The following TRPM3 variants were observed in gnomAD, a reference collection of about 807,000 sequenced individuals.
The protein encoded by TRPM3 is transient receptor potential cation channel subfamily M member 3, also known as long transient receptor potential channel 3.
A neutral mutation model predicts 181.2 loss-of-function variants in TRPM3; 77 were observed. That is an observed-to-expected ratio of 0.42 (90% CI 0.35 to 0.51). The LOEUF (loss-of-function observed/expected upper bound fraction) is 0.51. Among genes scored for constraint, TRPM3 ranks in the 20% least tolerant of loss-of-function variants. The probability of loss-of-function intolerance (pLI) is 0.01; values close to 1 mark genes in which losing one functional copy is unlikely to be tolerated. For missense variants in TRPM3, 1,759 were observed against 2,196.7 expected, an observed-to-expected ratio of 0.80 and a Z score of 3.98; for synonymous variants, 745 against 796.4, an observed-to-expected ratio of 0.94 and a Z score of 1.09.
At chr9:70,692,728 T>C (rs569916323) in intron 8 of TRPM3, among the ~76,000 whole-genome samples, 45 of 152,342 alleles carry the variant, frequency 3.0e-4, no homozygotes, top group Middle Eastern at 6.8e-3. Context: ...AAAAAACATA[T>C]TGACTTTGTC....
Position 71,313,743 on chromosome 9 carries a change from T to C in TRPM3, c.183+132910A>G, listed in dbSNP as rs1315665780. Among the ~76,000 whole-genome samples the C allele has an allele frequency of 2.0e-5, 3 of 152,186 alleles. No individual in the cohort carries two copies. The East Asian group carries it at 5.8e-4, about 29-fold the overall frequency. ...AATTGCAACAATGAGAAATCCCATC[T>C]GACCTGAAGGATATTTTATTTCCTC... is the stretch of plus-strand genomic sequence containing the variant. On this transcript the variant is annotated intron_variant, in intron 1 of 24. Coordinates refer to the TRPM3 transcript ENST00000357533.
At chr9:71,068,743 A>G (rs1412216647) in intron 1 of TRPM3, among the ~76,000 whole-genome samples, 1 of 152,220 alleles carries the variant, frequency 6.6e-6, no homozygotes, top group Non-Finnish European at 1.5e-5. Flanking sequence ...TGTGGAGCCT[A>G]GGAATCTGCA....
rs1178351721 is a variant in TRPM3, at chr9:70,529,422, T to C, written c.*6531A>G. 6.6e-6 allele frequency: 1 copy of C among 152,164 alleles called. No individual in the cohort carries two copies. Among genetic ancestry groups the C allele is most frequent in the Non-Finnish European group, 1.5e-5 (1 of 68,024 alleles). The allele number at this position is 152,164 out of a possible 1,614,324, so 9.4% of individuals were successfully genotyped here. A position where few individuals can be genotyped will look rare whatever the true frequency, so the allele number is the denominator to read the frequency against. On this transcript the variant is annotated 3_prime_UTR_variant, in exon 26 of 26. Coordinates refer to ENST00000677713, the MANE Select transcript of TRPM3 (RefSeq NM_001366145.2). ...AAACTAGGGTTAGAACGTTTACAAA[T>C]GAGAGTCTAGGTCCTATATTATGAA...
chr9:70,924,301 T>TCACACTGG (rs1202464558), intron 1 of TRPM3, among the ~76,000 whole-genome samples: 1 of 152,186 alleles, frequency 6.6e-6, no homozygotes, highest in Admixed American at 6.6e-5. Context: ...AAAATTATAG[T>TCACACTGG]CACACTGGTC....
intron 1 of TRPM3, among the ~76,000 whole-genome samples, chr9:70,917,738 A>G (rs960765060): frequency 2.0e-5 from 3 of 151,988 alleles, no homozygotes; most frequent in Non-Finnish European, 2.9e-5. Context: ...AAGTCAGAGA[A>G]GACTACAAAA....
chr9:70,933,684 G>C (rs928588224), intron 1 of TRPM3, among the ~76,000 whole-genome samples: 1 of 152,038 alleles, frequency 6.6e-6, no homozygotes, highest in African/African-American at 2.4e-5. Context: ...GCTGAAGGGG[G>C]ATATAAGACC....
At chr9:70,821,754 T>A (rs17463426) in intron 6 of TRPM3, among the ~76,000 whole-genome samples, 4,380 of 152,284 alleles carry the variant, frequency 0.029, 88 homozygotes, top group Middle Eastern at 0.058. Flanking sequence ...ACACTGATGG[T>A]ACTTTAGGGA....
chr9:70,801,139 G>A (rs2088881693), intron 6 of TRPM3, among the ~76,000 whole-genome samples: 1 of 152,180 alleles, frequency 6.6e-6, no homozygotes, highest in South Asian at 2.1e-4. Flanking sequence ...ATAAACTAGA[G>A]TTATTTGATC....
chr9:70,695,267 G>A (rs1180355203), intron 8 of TRPM3, among the ~76,000 whole-genome samples: 2 of 152,204 alleles, frequency 1.3e-5, no homozygotes, highest in Non-Finnish European at 2.9e-5. Flanking sequence ...ACCTCTCTGA[G>A]CTTTGGGGTT....
At chr9:70,943,716 T>C (rs12351255) in intron 1 of TRPM3, among the ~76,000 whole-genome samples, 12,480 of 152,274 alleles carry the variant, frequency 0.082, 556 homozygotes, top group African/African-American at 0.11. Context: ...TCAAACTCTC[T>C]GATGCTGAAT....
chr9:71,420,977 G>GAGAGAGAAAAAGAGAGAGAAAA (rs2093755454), intron 1 of TRPM3, among the ~76,000 whole-genome samples: 4 of 123,930 alleles, frequency 3.2e-5, no homozygotes, highest in East Asian at 2.4e-4. Flanking sequence ...GAGAGAAAAA[G>GAGAGAGAAAAAGAGAGAGAAAA]AGAGAGAAAA....
upstream of TRPM3, chr9:71,121,678 A>C (rs926549386): frequency 8.2e-6 from 9 of 1,093,284 alleles, no homozygotes; most frequent in South Asian, 7.6e-5. Flanking sequence ...TTGGGGGGGA[A>C]CCGGGGCCAT....
chr9:70,605,966 A>G lies in TRPM3; in HGVS notation c.2668-2496T>C, dbSNP rs187705671. ...TAAGTAACTCCTTAAACCTATTTTA[A>G]TGCTTAAGTAACTCCTTGAACCTAC... On this transcript the variant is annotated intron_variant, in intron 19 of 25. Transcript: ENST00000677713. 5.6e-3 allele frequency among the ~76,000 whole-genome samples: 856 copies of G among 152,192 alleles called. 4 individuals are homozygous for G. Among genetic ancestry groups the G allele is most frequent in the Non-Finnish European group, 7.5e-3 (508 of 68,040 alleles).
At position 71,310,038 on chromosome 9, in the gene TRPM3, G is replaced by C. The variant is rs181223983; in HGVS notation, c.183+136615C>G. Reference sequence around the variant, plus strand: ...GCAGATAGCAAAAATCCTAAACTATGAATATTTGTAAACTATCTAAATAAA... The same window carrying C: ...GCAGATAGCAAAAATCCTAAACTATCAATATTTGTAAACTATCTAAATAAA... On this transcript the variant is annotated intron_variant, in intron 1 of 24. Transcript: ENST00000357533. 2.1e-3 allele frequency among the ~76,000 whole-genome samples: 325 copies of C among 152,112 alleles called. 1 individual carries two copies. Among genetic ancestry groups the C allele is most frequent in the Non-Finnish European group, 3.0e-3 (203 of 67,942 alleles).
At chr9:71,055,234 C>G (rs766170971) in intron 1 of TRPM3, among the ~76,000 whole-genome samples, 2 of 151,862 alleles carry the variant, frequency 1.3e-5, no homozygotes, top group African/African-American at 2.4e-5. Context: ...AAGAGGAGAG[C>G]AAATCAAGTC....
At chr9:70,745,918 A>G (rs1023159306) in intron 8 of TRPM3, among the ~76,000 whole-genome samples, 1 of 152,216 alleles carries the variant, frequency 6.6e-6, no homozygotes, top group African/African-American at 2.4e-5. Context: ...ATAAAATATG[A>G]GAGGAACAAG....
At chr9:70,999,420 C>T (rs1260696187) in intron 1 of TRPM3, among the ~76,000 whole-genome samples, 1 of 152,180 alleles carries the variant, frequency 6.6e-6, no homozygotes, top group Middle Eastern at 3.4e-3. Flanking sequence ...TGAACGTGAT[C>T]TGAAATAATA....
At chr9:70,791,071 C>T (rs528136123) in intron 6 of TRPM3, among the ~76,000 whole-genome samples, 25 of 152,162 alleles carry the variant, frequency 1.6e-4, no homozygotes, top group Admixed American at 2.6e-4. Context: ...ATTGCCTTCA[C>T]GTTATAGAGT....
Position 70,672,705 on chromosome 9 carries a change from C to CT in TRPM3, c.1345+8800dup, listed in dbSNP as rs561823457. 1.6e-3 allele frequency among the ~76,000 whole-genome samples: 242 copies of CT among 151,350 alleles called. 3 individuals carry two copies. The South Asian group carries it at 0.02, about 13-fold the overall frequency. On this transcript the variant is annotated intron_variant, in intron 9 of 25. Coordinates refer to ENST00000677713, the MANE Select transcript of TRPM3 (RefSeq NM_001366145.2). ...GTTTCTTCACTAAAATATTGGTTTT[C>CT]TTTTTTTTTCCATTTCTTCCTTAAG...
Sources: gnomAD v4.1 joint callset for allele counts (sites outside exome capture counted in the v4.1 genomes callset) on GRCh38, gnomAD v4.1.1 for gene constraint, MANE v1.5 for transcripts, NCBI Gene and HGNC (gene_info 2026-07-23, HGNC 2026-07-21) for gene names.